Variants in MPPED2 observed in about 807,000 individuals in gnomAD.
MPPED2 encodes metallophosphoesterase domain containing 2.
MPPED2 carries 5 observed loss-of-function variants against 33.0 expected under a neutral mutation model. That is an observed-to-expected ratio of 0.15 (90% CI 0.08 to 0.32). The LOEUF (loss-of-function observed/expected upper bound fraction) is 0.32. Ranked by LOEUF, MPPED2 falls within the 10% of genes least tolerant of loss-of-function variation. The pLI, the probability that MPPED2 is intolerant of heterozygous loss-of-function variation, is 1.00. For synonymous variants in MPPED2, 136 were observed against 141.9 expected (o/e 0.96, Z 0.29); for missense variants, 275 against 372.1 (o/e 0.74, Z 2.15).
chr11:30,555,073 C>T (rs997553651), intron 2 of MPPED2, among the ~76,000 whole-genome samples: 1 of 152,164 alleles, frequency 6.6e-6, no homozygotes, highest in African/African-American at 2.4e-5. Flanking sequence ...CCCCACAGGA[C>T]AAACTATTCT....
At chr11:30,585,867 G>C (rs568899835) in intron 1 of MPPED2, among the ~76,000 whole-genome samples, 175 bp downstream of exon 1, 60 of 152,286 alleles carry the variant, frequency 3.9e-4, no homozygotes, top group African/African-American at 1.4e-3. Flanking sequence ...GGGGCACCGG[G>C]GCAGCCCGGG....
At chr11:30,530,702 G>C (rs926811867) in intron 3 of MPPED2, among the ~76,000 whole-genome samples, 2 of 152,234 alleles carry the variant, frequency 1.3e-5, no homozygotes, top group Non-Finnish European at 2.9e-5. Context: ...GCAATCAAAC[G>C]ATGAGATCTT....
At chr11:30,443,064 GAC>G (rs1201552366) in intron 4 of MPPED2, among the ~76,000 whole-genome samples, 11 of 151,882 alleles carry the variant, frequency 7.2e-5, no homozygotes, top group African/African-American at 2.7e-4. Flanking sequence ...AAATTCTTCA[GAC>G]ACAATATAAA....
chr11:30,525,657 G>A (rs1195716226), intron 3 of MPPED2, among the ~76,000 whole-genome samples: 1 of 152,082 alleles, frequency 6.6e-6, no homozygotes, highest in Non-Finnish European at 1.5e-5. Context: ...GCTCCAATGT[G>A]ACCCAGCCTG....
In MPPED2 at chr11:30,453,561, G is replaced by C. The variant is rs146985431; in HGVS notation, c.537-35928C>G. ...AAGCCCTACGTACCTACTTCTGGCT[G>C]CGTATGGAGACGTTCTCTCTGAATT... On this transcript the variant is annotated intron_variant, in intron 4 of 6. Transcript: ENST00000358117. Among the ~76,000 whole-genome samples, 1,308 of 152,328 alleles carry C rather than the reference G, an allele frequency of 8.6e-3. 68 individuals carry two copies. The highest frequency in any genetic ancestry group is 0.075 in the Admixed American group (1,143 of 15,294).
At chr11:30,439,570 G>A (rs1271859674) in intron 4 of MPPED2, among the ~76,000 whole-genome samples, 3 of 152,030 alleles carry the variant, frequency 2.0e-5, no homozygotes, top group East Asian at 3.9e-4. Context: ...TTTGAATTAC[G>A]GTGCCCTAGA....
chr11:30,472,257 G>A (rs1202135488), intron 4 of MPPED2, among the ~76,000 whole-genome samples: 1 of 152,112 alleles, frequency 6.6e-6, no homozygotes, highest in African/African-American at 2.4e-5. Context: ...ACTACTTGGG[G>A]GTCTGAGGTG....
intron 3 of MPPED2, among the ~76,000 whole-genome samples, chr11:30,532,048 C>T (rs1954553882): frequency 6.6e-6 from 1 of 152,196 alleles, no homozygotes; most frequent in Non-Finnish European, 1.5e-5. Flanking sequence ...GCTCAGTTTC[C>T]TCACACGTTA....
chr11:30,537,748 C>T (rs1460079397), intron 2 of MPPED2, among the ~76,000 whole-genome samples: 1 of 152,148 alleles, frequency 6.6e-6, no homozygotes, highest in Non-Finnish European at 1.5e-5. Context: ...GAAAGTTTAA[C>T]TTCCGCAAAA....
At position 30,496,413 on chromosome 11, in the gene MPPED2, A is replaced by C. The variant is rs1474106804; in HGVS notation, c.311-892T>G. Among the ~76,000 whole-genome samples the C allele has an allele frequency of 2.6e-5, 4 of 152,264 alleles. No individual in the cohort carries two copies. In the East Asian group the frequency reaches 7.7e-4, roughly 29 times the overall value. On this transcript the variant is annotated intron_variant, in intron 3 of 6. Transcript: ENST00000358117. ...CGGGCAGCTGTCCCCACCTGAAATT[A>C]ATGTTCTTTTCCTTACTCTGTCACT...
chr11:30,435,016 T>C (rs1949262874), intron 4 of MPPED2, among the ~76,000 whole-genome samples: 2 of 152,206 alleles, frequency 1.3e-5, no homozygotes, highest in African/African-American at 4.8e-5. Flanking sequence ...TCAAATTTGC[T>C]ACCCAAGTTT....
At chr11:30,568,970 T>C (rs775918060) in intron 2 of MPPED2, among the ~76,000 whole-genome samples, 1 of 152,214 alleles carries the variant, frequency 6.6e-6, no homozygotes, top group East Asian at 1.9e-4. Flanking sequence ...ACTTACATGT[T>C]GGAGGAAATA....
chr11:30,388,964 GGAGA>G (rs1947735907), intron 6 of MPPED2: 1 of 1,556,158 alleles, frequency 6.4e-7, no homozygotes, highest in Non-Finnish European at 8.7e-7. Context: ...TTACTAAAGG[GGAGA>G]GAGAGAAAGA....
chr11:30,402,091 C>T (rs1481647445), intron 6 of MPPED2, among the ~76,000 whole-genome samples: 1 of 152,066 alleles, frequency 6.6e-6, no homozygotes, highest in Non-Finnish European at 1.5e-5. Context: ...AGGAGAATGT[C>T]TCTACTGAAT....
At chr11:30,468,469 T>A (rs765256115) in intron 4 of MPPED2, among the ~76,000 whole-genome samples, 7 of 152,168 alleles carry the variant, frequency 4.6e-5, no homozygotes, top group Admixed American at 2.0e-4. Context: ...CAAACTTTGA[T>A]AACTTTTTGA....
At chr11:30,512,749 C>CCAG (rs1307485408) in intron 3 of MPPED2, among the ~76,000 whole-genome samples, 2 of 152,138 alleles carry the variant, frequency 1.3e-5, no homozygotes, top group Non-Finnish European at 2.9e-5. Context: ...GCCTATAATC[C>CCAG]CAGCACTTTG....
rs1950934753 is a variant in MPPED2, at chr11:30,471,251, G to A, written c.536+24045C>T. 3.3e-5 allele frequency among the ~76,000 whole-genome samples: 5 copies of A among 152,056 alleles called. No individual in the cohort carries two copies. The South Asian group carries it at 1.0e-3, about 32-fold the overall frequency. ...TTCCTGGACAATTATAACATTCCTG[G>A]TCTCACTTCCTTCCCATTCCCTTCA... On this transcript the variant is annotated intron_variant, in intron 4 of 6. Coordinates refer to ENST00000358117, the MANE Select transcript of MPPED2 (RefSeq NM_001584.3).
intron 4 of MPPED2, among the ~76,000 whole-genome samples, chr11:30,423,447 A>G (rs1189068350): frequency 6.6e-6 from 1 of 152,198 alleles, no homozygotes; most frequent in Non-Finnish European, 1.5e-5. Flanking sequence ...CGGATTTGGC[A>G]CAGAAGCTGT....
At chr11:30,458,305 G>T (rs1454532665) in intron 4 of MPPED2, among the ~76,000 whole-genome samples, 2 of 152,178 alleles carry the variant, frequency 1.3e-5, no homozygotes, top group African/African-American at 4.8e-5. Context: ...TAAGTACGAA[G>T]AAAGTGAAAG....
Sources: allele counts gnomAD v4.1 joint callset (sites outside exome capture counted in the v4.1 genomes callset), GRCh38; gene constraint gnomAD v4.1.1; transcripts MANE v1.5; gene names NCBI Gene and HGNC (gene_info 2026-07-23, HGNC 2026-07-21).